The following UTRN variants were observed in gnomAD, a reference collection of about 807,000 sequenced individuals.
UTRN encodes utrophin.
In UTRN, 283 loss-of-function variants were observed where a neutral mutation model predicts 463.9. The ratio of observed to expected loss-of-function variants is 0.61; its 90% CI spans 0.55 to 0.67. The LOEUF (loss-of-function observed/expected upper bound fraction) is 0.67. Ranked by LOEUF, UTRN falls within the 30% of genes least tolerant of loss-of-function variation. The probability of loss-of-function intolerance (pLI) is 0.00; values close to 1 mark genes in which losing one functional copy is unlikely to be tolerated. For missense variants in UTRN, 3,922 were observed against 4,084.3 expected (o/e 0.96, Z 1.08); for synonymous variants, 1,442 against 1,431.5 (o/e 1.01, Z -0.17).
Position 144,516,247 on chromosome 6 carries a change from C to G in UTRN, c.5263C>G (p.Pro1755Ala). The G allele has an allele frequency of 6.2e-7, 1 of 1,613,268 alleles. No individual in the cohort carries two copies. Among genetic ancestry groups the G allele is most frequent in the South Asian group, 1.1e-5 (1 of 90,858 alleles). The change falls in exon 38 of 75, where the codon CCA becomes GCA. Residue 1755 changes from proline to alanine, a missense_variant. Physicochemically the swap from Pro to Ala is conservative, Grantham distance 27 (BLOSUM62 -1). Around this residue, in one of 3 missense-constraint regions of UTRN, gnomAD observed 2,349 missense variants for 2,303.8 expected, o/e 1.02. Transcript: ENST00000367545. ...TCTACAGTTGCTAATTGCTCAGGAA[C>G]CATTATACCAATGTTTGGTCACCAC... ...KSAKLLIAQE[P>A]LYQCLVTTET...
chr6:144,398,423 C>A, intron 2 of UTRN: 1 of 378,646 alleles, frequency 2.6e-6, no homozygotes, highest in Non-Finnish European at 5.3e-6. Flanking sequence ...AATGCACACT[C>A]AAGGGCCTCT....
At position 144,539,453 on chromosome 6, in the gene UTRN, A is replaced by G. The variant is rs1562544719; in HGVS notation, c.6519+10A>G. On this transcript the variant is annotated intron_variant, in intron 45 of 74. Coordinates refer to ENST00000367545, the MANE Select transcript of UTRN (RefSeq NM_007124.3). ...TATGACATGGAATAAGGTGTGTGTAAAGTTACTATCACACATTTCTCATAT... is the reference window on the plus strand; with the variant it reads ...TATGACATGGAATAAGGTGTGTGTAGAGTTACTATCACACATTTCTCATAT... The G allele has an allele frequency of 3.8e-6, 6 of 1,580,302 alleles. No individual in the cohort carries two copies. The highest frequency in any genetic ancestry group is 4.3e-6 in the Non-Finnish European group (5 of 1,162,758).
At chr6:144,584,491 T>C (rs1802272316) in intron 51 of UTRN, among the ~76,000 whole-genome samples, 1 of 152,146 alleles carries the variant, frequency 6.6e-6, no homozygotes, top group Non-Finnish European at 1.5e-5. Context: ...AACTCATTTG[T>C]GATCAAAACA....
intron 2 of UTRN, among the ~76,000 whole-genome samples, chr6:144,324,772 T>C (rs941798599): frequency 2.6e-5 from 4 of 152,192 alleles, no homozygotes; most frequent in African/African-American, 7.2e-5. Flanking sequence ...AGGAATAAAC[T>C]CCTGTGGTCA....
At chr6:144,495,691 A>G (rs1793575612) in intron 33 of UTRN, among the ~76,000 whole-genome samples, 1 of 152,254 alleles carries the variant, frequency 6.6e-6, no homozygotes, top group Non-Finnish European at 1.5e-5. Context: ...GACTGCCAGC[A>G]TGCTGTCACC....
intron 2 of UTRN, among the ~76,000 whole-genome samples, chr6:144,295,840 TG>T (rs1384836024): frequency 2.0e-5 from 3 of 152,316 alleles, no homozygotes; most frequent in African/African-American, 7.2e-5. Context: ...CATACTGAAG[TG>T]ATTTGTGGCA....
chr6:144,836,202 A>G, intron 70 of UTRN, 99 bp from the exon 71 acceptor site: 2 of 1,550,454 alleles, frequency 1.3e-6, no homozygotes, highest in Non-Finnish European at 1.7e-6. Context: ...TTTTTATATA[A>G]GAGGAACTAG....
rs1795393934 is a variant in UTRN at position 144,514,001 on chromosome 6, A to G, written c.5037A>G (p.Glu1679=). 1 of 1,613,930 alleles carries G rather than the reference A, an allele frequency of 6.2e-7. No individual in the cohort carries two copies. Among genetic ancestry groups the G allele is most frequent in the Non-Finnish European group, 8.5e-7 (1 of 1,179,954 alleles). The change falls in exon 36 of 75, where the codon GAA becomes GAG. Residue 1679 remains glutamate (E), a synonymous_variant. Coordinates refer to ENST00000367545, the MANE Select transcript of UTRN (RefSeq NM_007124.3). ...CTGAAGCTCTATTGGATGAAATTGA[A>G]AAGAAACCAACAAGTAAACAGGAAG... The part of the protein sequence containing the change: ...YQAEALLDEI[E]KKPTSKQEEI...
chr6:144,578,501 G>T (rs932157808), intron 51 of UTRN, among the ~76,000 whole-genome samples: 1 of 151,960 alleles, frequency 6.6e-6, no homozygotes, highest in South Asian at 2.1e-4. Flanking sequence ...TGCCTGGCTA[G>T]TTTTTGTATT....
chr6:144,290,946 TTG>T (rs1182982727), intron 1 of UTRN, among the ~76,000 whole-genome samples: 2 of 151,086 alleles, frequency 1.3e-5, no homozygotes, highest in Non-Finnish European at 3.0e-5. Flanking sequence ...TTTTTTTTTT[TTG>T]TATTTTTAGT....
chr6:144,578,521 G>T (rs1024516376), intron 51 of UTRN, among the ~76,000 whole-genome samples: 1 of 152,094 alleles, frequency 6.6e-6, no homozygotes, highest in African/African-American at 2.4e-5. Context: ...TTTTAGTAGA[G>T]ATGGGGTTTC....
intron 51 of UTRN, among the ~76,000 whole-genome samples, chr6:144,618,047 G>GT (rs1187191399): frequency 6.6e-6 from 1 of 152,158 alleles, no homozygotes; most frequent in African/African-American, 2.4e-5. Context: ...GCACCTGGGT[G>GT]TTTAAAAAGA....
At chr6:144,390,673 C>T (rs1222136759) in intron 2 of UTRN, among the ~76,000 whole-genome samples, 1 of 152,196 alleles carries the variant, frequency 6.6e-6, no homozygotes, top group African/African-American at 2.4e-5. Flanking sequence ...CCTTTCTAAC[C>T]ATTTTTACGT....
At chr6:144,317,868 T>G (rs886357482) in intron 2 of UTRN, among the ~76,000 whole-genome samples, 10 of 152,248 alleles carry the variant, frequency 6.6e-5, no homozygotes, top group African/African-American at 2.2e-4. Context: ...TTATGTAAAT[T>G]TCTGCTCTCA....
intron 65 of UTRN, among the ~76,000 whole-genome samples, chr6:144,807,356 A>C (rs1778236543): frequency 1.3e-5 from 2 of 152,154 alleles, no homozygotes; most frequent in African/African-American, 4.8e-5. Flanking sequence ...TGAATGAACT[A>C]TCATGACTCA....
At chr6:144,682,471 T>C (rs991826175) in intron 52 of UTRN, among the ~76,000 whole-genome samples, 1 of 152,246 alleles carries the variant, frequency 6.6e-6, no homozygotes, top group African/African-American at 2.4e-5. Flanking sequence ...TGCGATATAC[T>C]GATTTCCTTT....
intron 33 of UTRN, among the ~76,000 whole-genome samples, chr6:144,497,570 A>G (rs1030996766): frequency 6.6e-6 from 1 of 151,436 alleles, no homozygotes; most frequent in Non-Finnish European, 1.5e-5. Context: ...AATCCCAGCT[A>G]CTCGGGAGGC....
At position 144,601,368 on chromosome 6, in the gene UTRN, A is replaced by T. The variant is rs974380387; in HGVS notation, c.7479+24080A>T. 2.6e-5 allele frequency among the ~76,000 whole-genome samples: 4 copies of T among 152,346 alleles called. 1 individual carries two copies. In the South Asian group the frequency reaches 8.3e-4, roughly 32 times the overall value. On this transcript the variant is annotated intron_variant, in intron 51 of 74. Coordinates refer to ENST00000367545, the MANE Select transcript of UTRN (RefSeq NM_007124.3). Reference sequence around the variant, plus strand: ...AAGAGCATTCTTGATTAATGGCAGGAGGTCAAAATAGTGACATTTACAGGA... The same window carrying T: ...AAGAGCATTCTTGATTAATGGCAGGTGGTCAAAATAGTGACATTTACAGGA...
At chr6:144,752,183 A>G (rs1471498233) in intron 56 of UTRN, among the ~76,000 whole-genome samples, 1 of 152,220 alleles carries the variant, frequency 6.6e-6, no homozygotes, top group Middle Eastern at 3.2e-3. Context: ...TGATATTTGT[A>G]GAAAATTGCA....
Sources: allele counts gnomAD v4.1 joint callset (sites outside exome capture counted in the v4.1 genomes callset), GRCh38; gene constraint gnomAD v4.1.1; regional missense constraint gnomAD v4.1.1; transcripts MANE v1.5; gene names NCBI Gene and HGNC (gene_info 2026-07-23, HGNC 2026-07-21).